Variants in CSKMT observed in about 807,000 individuals in gnomAD.
The protein encoded by CSKMT is citrate synthase lysine methyltransferase.
A neutral mutation model predicts 4.6 loss-of-function variants in CSKMT; 6 were observed. The observed-to-expected ratio is 1.31, with a 90% CI of 0.72 to 2.59. The LOEUF is 2.59. Among genes scored for constraint, CSKMT ranks in the 30% most tolerant of loss-of-function variants. CSKMT has a pLI of 0.00. For missense variants in CSKMT, 328 were observed against 298.0 expected (o/e 1.10, Z -0.74); for synonymous variants, 142 against 128.9 (o/e 1.10, Z -0.69).
intron 2 of CSKMT, 69 bp from the exon 3 acceptor site, chr11:62,666,327 C>T: frequency 2.0e-6 from 3 of 1,517,126 alleles, no homozygotes; most frequent in Non-Finnish European, 1.8e-6. Flanking sequence ...AAAAAGACGC[C>T]AGTGTGTATA....
chr11:62,665,401 C>T (rs1452277485), intron 1 of CSKMT, 69 bp downstream of exon 1: 2 of 1,342,618 alleles, frequency 1.5e-6, no homozygotes, highest in Non-Finnish European at 1.0e-6. Flanking sequence ...GGGTGGAAGG[C>T]TCTGGGCGGG....
intron 2 of CSKMT, 163 bp from the exon 3 acceptor site, chr11:62,666,233 G>A (rs766875189): frequency 2.1e-5 from 17 of 791,740 alleles, no homozygotes; most frequent in Non-Finnish European, 2.3e-5. Flanking sequence ...CTACTCAGGA[G>A]GCTGAGGTGG....
Position 62,665,757 on chromosome 11 carries a change from G to C in CSKMT, c.-123G>C. 1 of 1,503,444 alleles carries C rather than the reference G, an allele frequency of 6.7e-7. No homozygotes were observed. Among genetic ancestry groups the C allele is most frequent in the Non-Finnish European group, 8.9e-7 (1 of 1,125,384 alleles). 93.1% of individuals were successfully genotyped at this position (1,503,444 alleles called of 1,614,324 possible). ...TTCCGGGACTGCAGAGTTCGGGGAA[G>C]CTGTACGCCGCCTTTCGCTACGCGG... On this transcript the variant is annotated 5_prime_UTR_variant, in exon 2 of 3. Transcript: ENST00000532971.
Position 62,665,745 on chromosome 11 carries a change from G to A in CSKMT, c.-135G>A, listed in dbSNP as rs1944789740. On this transcript the variant is annotated 5_prime_UTR_variant, in exon 2 of 3. Coordinates refer to ENST00000532971, the MANE Select transcript of CSKMT (RefSeq NM_001043229.2). Reference sequence around the variant, plus strand: ...CCGCGTTCTTTTTTCCGGGACTGCAGAGTTCGGGGAAGCTGTACGCCGCCT... The same window carrying A: ...CCGCGTTCTTTTTTCCGGGACTGCAAAGTTCGGGGAAGCTGTACGCCGCCT... 3 of 1,484,756 alleles carry A rather than the reference G, an allele frequency of 2.0e-6. No homozygotes were observed. In the South Asian group the frequency reaches 3.9e-5, roughly 19 times the overall value. 92.0% of individuals were successfully genotyped at this position (1,484,756 alleles called of 1,614,324 possible).
rs772087678 is a variant in CSKMT at position 62,666,943 on chromosome 11, A to G, written c.615A>G (p.Arg205=). The change falls in exon 3 of 3, where the codon CGA becomes CGG. Residue 205 remains arginine (R), a synonymous_variant. Transcript: ENST00000532971. ...IQFSDEDPDV[R]LPCLEQGSYG... ...TCTCAGATGAGGACCCTGATGTGCG[A>G]CTGCCCTGCCTGGAACAAGGGTCCT... 1.2e-6 allele frequency: 2 copies of G among 1,614,096 alleles called. No individual in the cohort carries two copies. Among genetic ancestry groups the G allele is most frequent in the African/African-American group, 2.7e-5 (2 of 74,936 alleles).
chr11:62,666,918 TCTCAGATGAGGA>T lies in CSKMT; in HGVS notation c.592_603del (p.Ser198_Asp201del). On this transcript the variant is annotated inframe_deletion, in exon 3 of 3. Transcript: ENST00000532971. ...AACCCTCAGGGGACCCTGATTCAGT[TCTCAGATGAGGA>T]CCCTGATGTGCGACTGCCCTGCCTG... is the stretch of plus-strand genomic sequence containing the variant. 1 of 1,613,838 alleles carries T rather than the reference TCTCAGATGAGGA, an allele frequency of 6.2e-7. No individual in the cohort carries two copies. Among genetic ancestry groups the T allele is most frequent in the Non-Finnish European group, 8.5e-7 (1 of 1,179,982 alleles).
At position 62,667,040 on chromosome 11, in the gene CSKMT, GGC is replaced by G; in HGVS notation, c.713_714del (p.Gly238ValfsTer7). On this transcript the variant is annotated frameshift_variant, in exon 3 of 3. Coordinates refer to ENST00000532971, the MANE Select transcript of CSKMT (RefSeq NM_001043229.2). LOFTEE classifies it high-confidence loss of function. ...CACCTACTTTGCTTACTTGATTCAA[GGC>G]TCTCATTAAAGACATTTTAGTAGTC... ...GITYFAYLIQ[G>X]SH 1 of 1,600,072 alleles carries G rather than the reference GGC, an allele frequency of 6.2e-7. No homozygotes were observed. Among genetic ancestry groups the G allele is most frequent in the Admixed American group, 1.7e-5 (1 of 57,654 alleles).
Position 62,666,761 on chromosome 11 carries a change from G to A in CSKMT, c.433G>A (p.Ala145Thr). ...AAGCCTCCACTTCATGCACGCCGAT[G>A]CTCAGAACCTGGGGGCTGTGGCTTC... is the stretch of plus-strand genomic sequence containing the variant. The part of the protein sequence containing the change: ...ASSLHFMHAD[A>T]QNLGAVASSG... The change falls in exon 3 of 3, where the codon GCT (alanine) becomes ACT (threonine). Residue 145 changes from alanine to threonine, a missense_variant. Ala to Thr is a moderately conservative substitution (Grantham distance 58). Transcript: ENST00000532971. 3 of 1,614,174 alleles carry A rather than the reference G, an allele frequency of 1.9e-6. No homozygotes were observed. The African/African-American group carries it at 4.0e-5, about 22-fold the overall frequency.
Position 62,665,707 on chromosome 11 carries a change from C to T in CSKMT, c.-173C>T. On this transcript the variant is annotated 5_prime_UTR_variant, in exon 2 of 3. Transcript: ENST00000532971. Reference sequence around the variant, plus strand: ...CTGCAGCCAATAAAGGCCGTTCCTACCATAGTCTGTGTCCGCGTTCTTTTT... The same window carrying T: ...CTGCAGCCAATAAAGGCCGTTCCTATCATAGTCTGTGTCCGCGTTCTTTTT... The T allele has an allele frequency of 1.4e-6, 2 of 1,462,466 alleles. No homozygotes were observed. Among genetic ancestry groups the T allele is most frequent in the Non-Finnish European group, 1.8e-6 (2 of 1,107,396 alleles). 90.6% of individuals were successfully genotyped at this position (1,462,466 alleles called of 1,614,324 possible).
chr11:62,665,905 A>C lies in CSKMT; in HGVS notation c.26A>C (p.His9Pro), dbSNP rs778207562. 1.2e-6 allele frequency: 2 copies of C among 1,613,074 alleles called. No homozygotes were observed. Among genetic ancestry groups the C allele is most frequent in the African/African-American group, 2.7e-5 (2 of 74,846 alleles). Residue 9 changes from histidine (H) to proline (P), a missense_variant, in exon 2 of 3, where the codon CAC becomes CCC. Transcript: ENST00000532971. The part of the protein sequence containing the change: MAALRRML[H>P]LPSLMMGTCR... ...ATGGCCGCGCTGCGTCGAATGCTCC[A>C]CTTGCCGAGCCTGATGATGGGGACG...
In CSKMT at chr11:62,667,545, GAGATGGGAAT is replaced by G; in HGVS notation, c.*496_*505del. 6.2e-7 allele frequency: 1 copy of G among 1,614,124 alleles called. No individual in the cohort carries two copies. Among genetic ancestry groups the G allele is most frequent in the Non-Finnish European group, 8.5e-7 (1 of 1,180,024 alleles). On this transcript the variant is annotated 3_prime_UTR_variant, in exon 3 of 3. Transcript: ENST00000532971. Reference sequence around the variant, plus strand: ...TACCCTCAAAGCTATTAGGAGGCAGGAGATGGGAATATTCCACAAAGCCACTTCTACAAAC... The same window carrying G: ...TACCCTCAAAGCTATTAGGAGGCAGGATTCCACAAAGCCACTTCTACAAAC...
rs1944796951 is a variant in CSKMT, at chr11:62,665,945, G to C, written c.66G>C (p.Ala22=). ...TGATGGGGACGTGCCGCCCCTTTGCGGGTAGGGAGGTGGGGGCAGAGTGGA... is the reference window on the plus strand; with the variant it reads ...TGATGGGGACGTGCCGCCCCTTTGCCGGTAGGGAGGTGGGGGCAGAGTGGA... The part of the protein sequence containing the change: ...SLMMGTCRPF[A]GSLADSCLAD... Residue 22 remains alanine (A), a splice_region_variant and synonymous_variant, in exon 2 of 3, where the codon GCG becomes GCC. Coordinates refer to ENST00000532971, the MANE Select transcript of CSKMT (RefSeq NM_001043229.2). 6.2e-7 allele frequency: 1 copy of C among 1,611,252 alleles called. No individual in the cohort carries two copies. The highest frequency in any genetic ancestry group is 1.3e-5 in the African/African-American group (1 of 74,938).
At position 62,665,346 on chromosome 11, in the gene CSKMT, T is replaced by C. The variant is rs1449716001; in HGVS notation, c.-234+14T>C. The C allele has an allele frequency of 8.7e-6, 7 of 805,500 alleles. No homozygotes were observed. The highest frequency in any genetic ancestry group is 3.4e-5 in the African/African-American group (2 of 58,458). 49.9% of individuals were successfully genotyped at this position (805,500 alleles called of 1,614,324 possible). A position where few individuals can be genotyped will look rare whatever the true frequency, so the allele number is the denominator to read the frequency against. On this transcript the variant is annotated intron_variant, in intron 1 of 2. Transcript: ENST00000532971. ...GGTGGTGAGCTAGTAAGTGTGGTTTTAGCTGTAGTAGCCAGATTGGGCGGC... is the reference window on the plus strand; with the variant it reads ...GGTGGTGAGCTAGTAAGTGTGGTTTCAGCTGTAGTAGCCAGATTGGGCGGC...
At chr11:62,665,409 G>T in intron 1 of CSKMT, 77 bp downstream of exon 1, 1 of 1,396,906 alleles carries the variant, frequency 7.2e-7, no homozygotes, top group Non-Finnish European at 9.9e-7. Context: ...GGCTCTGGGC[G>T]GGGTCTCAGG....
chr11:62,665,918 G>A lies in CSKMT; in HGVS notation c.39G>A (p.Leu13=), dbSNP rs1401011893. 10 of 1,613,236 alleles carry A rather than the reference G, an allele frequency of 6.2e-6. No homozygotes were observed. The highest frequency in any genetic ancestry group is 1.7e-5 in the Admixed American group (1 of 60,002). The change falls in exon 2 of 3, where the codon CTG becomes CTA. Residue 13 remains leucine, a synonymous_variant. Transcript: ENST00000532971. Reference sequence around the variant, plus strand: ...GTCGAATGCTCCACTTGCCGAGCCTGATGATGGGGACGTGCCGCCCCTTTG... The same window carrying A: ...GTCGAATGCTCCACTTGCCGAGCCTAATGATGGGGACGTGCCGCCCCTTTG... ...ALRRMLHLPS[L]MMGTCRPFAG...
At chr11:62,665,482 A>C (rs1233975495) in intron 1 of CSKMT, 150 bp downstream of exon 1, 1 of 1,575,880 alleles carries the variant, frequency 6.3e-7, no homozygotes, top group Admixed American at 1.7e-5. Flanking sequence ...ACGGAGGAAG[A>C]GGGAAAGGGC....
chr11:62,666,043 T>A (rs1944800236), intron 2 of CSKMT, 97 bp downstream of exon 2: 1 of 1,362,784 alleles, frequency 7.3e-7, no homozygotes, highest in Admixed American at 2.0e-5. Context: ...TCCCTGAAAT[T>A]GTGATTCTCA....
At chr11:62,665,611 C>T in intron 1 of CSKMT, 36 bp from the exon 2 acceptor site, 1 of 1,557,994 alleles carries the variant, frequency 6.4e-7, no homozygotes, top group South Asian at 1.2e-5. Context: ...GCTGGCTCCT[C>T]CATCGGGGTG....
intron 2 of CSKMT, 42 bp from the exon 3 acceptor site, chr11:62,666,354 T>G: frequency 1.9e-6 from 3 of 1,598,094 alleles, no homozygotes; most frequent in Non-Finnish European, 2.5e-6. Flanking sequence ...GTTTTTGCAG[T>G]GGCGACATAG....
Sources: gnomAD v4.1 joint callset for allele counts on GRCh38, gnomAD v4.1.1 for gene constraint, MANE v1.5 for transcripts, NCBI Gene and HGNC (gene_info 2026-07-23, HGNC 2026-07-21) for gene names.